Variants in URB1 observed in about 807,000 individuals in gnomAD.
URB1 encodes URB1 ribosome biogenesis factor.
A neutral mutation model predicts 242.3 loss-of-function variants in URB1; 197 were observed. The observed-to-expected ratio is 0.81, with a 90% CI of 0.72 to 0.91. The LOEUF (loss-of-function observed/expected upper bound fraction) is 0.91, where lower values mean the gene tolerates loss of function less well. URB1 is among the 40% of genes least tolerant of loss of function. The pLI is 0.00. For synonymous variants in URB1, 1,153 were observed against 1,201.8 expected, an observed-to-expected ratio of 0.96 and a Z score of 0.84; for missense variants, 2,721 against 2,860.5, an observed-to-expected ratio of 0.95 and a Z score of 1.11.
chr21:32,312,391 C>G lies in URB1; in HGVS notation c.*2527G>C. 1 of 1,070,800 alleles carries G rather than the reference C, an allele frequency of 9.3e-7. No individual in the cohort carries two copies. The highest frequency in any genetic ancestry group is 1.2e-6 in the Non-Finnish European group (1 of 848,524). 66.3% of individuals were successfully genotyped at this position (1,070,800 alleles called of 1,614,324 possible). On this transcript the variant is annotated 3_prime_UTR_variant, in exon 39 of 39. Transcript: ENST00000382751. ...GTCCTTCTGTACCTTTGTTAGGATGCTGGGTAAGTTCCCATCCAAGCTCCA... is the reference window on the plus strand; with the variant it reads ...GTCCTTCTGTACCTTTGTTAGGATGGTGGGTAAGTTCCCATCCAAGCTCCA...
intron 12 of URB1, 33 bp from the exon 13 acceptor site, chr21:32,361,156 G>GAAAAAAGAAAGAAAGAAAGA: frequency 2.6e-6 from 1 of 381,678 alleles, no homozygotes; most frequent in South Asian, 4.5e-5. Context: ...AAGAAAAAGA[G>GAAAAAAGAAAGAAAGAAAGA]AAAAAAGAAA....
chr21:32,389,300 AAAG>A (rs1187929803), intron 1 of URB1, among the ~76,000 whole-genome samples: 1 of 152,204 alleles, frequency 6.6e-6, no homozygotes, highest in Non-Finnish European at 1.5e-5. Context: ...AGATGAAGTC[AAAG>A]AAGCAGGCAG....
chr21:32,353,424 G>A (rs1271076822), intron 18 of URB1, among the ~76,000 whole-genome samples: 2 of 152,150 alleles, frequency 1.3e-5, no homozygotes, highest in Non-Finnish European at 1.5e-5. Context: ...CCAACCAGAA[G>A]AGCCACCTGG....
intron 9 of URB1, among the ~76,000 whole-genome samples, chr21:32,367,458 TA>T (rs1158867527): frequency 6.6e-6 from 1 of 152,150 alleles, no homozygotes; most frequent in Non-Finnish European, 1.5e-5. Context: ...TCAAGCAGAA[TA>T]AAAGCTGGTT....
intron 32 of URB1, among the ~76,000 whole-genome samples, chr21:32,324,135 C>T (rs937343930): frequency 1.3e-5 from 2 of 152,206 alleles, no homozygotes; most frequent in African/African-American, 4.8e-5. Flanking sequence ...GTGATTGGCC[C>T]ACATTTTAAC....
intron 19 of URB1, among the ~76,000 whole-genome samples, chr21:32,351,397 G>A (rs1390621342): frequency 6.6e-6 from 1 of 152,210 alleles, no homozygotes; most frequent in Non-Finnish European, 1.5e-5. Context: ...GAGCCCTTCT[G>A]CCTCAAACTG....
At position 32,320,403 on chromosome 21, in the gene URB1, C is replaced by G. The variant is rs929761096; in HGVS notation, c.5594+128G>C. ...CCAGGCATATGGTAGCATTGGAGGACACTGCATTTCAGAGAGCATGGATTT... is the reference window on the plus strand; with the variant it reads ...CCAGGCATATGGTAGCATTGGAGGAGACTGCATTTCAGAGAGCATGGATTT... On this transcript the variant is annotated intron_variant, in intron 35 of 38. Coordinates refer to ENST00000382751, the MANE Select transcript of URB1 (RefSeq NM_014825.3). 3 of 702,110 alleles carry G rather than the reference C, an allele frequency of 4.3e-6. No homozygotes were observed. The East Asian group carries it at 8.3e-5, about 19-fold the overall frequency. The allele number at this position is 702,110 out of a possible 1,614,324, so 43.5% of individuals were successfully genotyped here. A position where few individuals can be genotyped will look rare whatever the true frequency, so the allele number is the denominator to read the frequency against.
rs2033294913 is a variant in URB1, at chr21:32,362,027, T to C, written c.1510-6A>G. 1 of 1,550,820 alleles carries C rather than the reference T, an allele frequency of 6.4e-7. No homozygotes were observed. The highest frequency in any genetic ancestry group is 8.7e-7 in the Non-Finnish European group (1 of 1,146,696). The stretch of plus-strand genomic sequence containing the variant: ...GTGTTCAGGTCTGGCAAAATCTAAA[T>C]GGGAAAAAGAAGCAGAACATTAGTT... On this transcript the variant is annotated splice_polypyrimidine_tract_variant and splice_region_variant and intron_variant, in intron 11 of 38. Transcript: ENST00000382751.
rs1238417142 is a variant in URB1 at position 32,319,375 on chromosome 21, C to T, written c.5634G>A (p.Leu1878=). Residue 1878 remains leucine (L), a synonymous_variant, in exon 36 of 39, where the codon TTG becomes TTA. Coordinates refer to ENST00000382751, the MANE Select transcript of URB1 (RefSeq NM_014825.3). The part of the protein sequence containing the change: ...ETPLLSNVIS[L]LHTLWVTNLG... ...GGTTGGTCACCCACAGTGTGTGTAGCAAGGAGATCACATTAGACAGCAGCG... is the reference window on the plus strand; with the variant it reads ...GGTTGGTCACCCACAGTGTGTGTAGTAAGGAGATCACATTAGACAGCAGCG... The T allele has an allele frequency of 6.5e-7, 1 of 1,546,104 alleles. No individual in the cohort carries two copies. Among genetic ancestry groups the T allele is most frequent in the African/African-American group, 1.4e-5 (1 of 72,722 alleles).
chr21:32,352,700 T>C lies in URB1; in HGVS notation c.2613+10A>G, dbSNP rs2033171125. On this transcript the variant is annotated intron_variant, in intron 19 of 38. Transcript: ENST00000382751. Reference sequence around the variant, plus strand: ...CAGCAGCAGTGACCACAGCTGTGGCTGCAGCTCACCCAGGCCTCTCGGGCT... The same window carrying C: ...CAGCAGCAGTGACCACAGCTGTGGCCGCAGCTCACCCAGGCCTCTCGGGCT... 6.4e-7 allele frequency: 1 copy of C among 1,550,536 alleles called. No homozygotes were observed. The highest frequency in any genetic ancestry group is 1.4e-5 in the African/African-American group (1 of 73,040).
At chr21:32,364,925 G>A (rs1427109300) in intron 10 of URB1, among the ~76,000 whole-genome samples, 3 of 152,240 alleles carry the variant, frequency 2.0e-5, no homozygotes, top group Non-Finnish European at 2.9e-5. Context: ...GGGCTCAGTG[G>A]CCCTGGCCCT....
At chr21:32,334,118 G>C in intron 29 of URB1, 45 bp downstream of exon 29, 1 of 1,490,654 alleles carries the variant, frequency 6.7e-7, no homozygotes. Flanking sequence ...AGCCCCTGAG[G>C]CTGGGGTGAA....
At chr21:32,379,693 A>G (rs1192890440) in intron 4 of URB1, among the ~76,000 whole-genome samples, 1 of 152,196 alleles carries the variant, frequency 6.6e-6, no homozygotes, top group Non-Finnish European at 1.5e-5. Context: ...GAGAAAACTG[A>G]GGGTTCAAAA....
intron 18 of URB1, among the ~76,000 whole-genome samples, chr21:32,353,616 T>A (rs2033183636): frequency 6.6e-6 from 1 of 152,188 alleles, no homozygotes; most frequent in African/African-American, 2.4e-5. Flanking sequence ...GAAGGATTCA[T>A]CCTCTACATC....
intron 10 of URB1, among the ~76,000 whole-genome samples, chr21:32,365,027 T>A (rs2123603095): frequency 6.6e-6 from 1 of 152,364 alleles, no homozygotes; most frequent in African/African-American, 2.4e-5. Context: ...CAGGAGCTAG[T>A]ACACCCCTCT....
chr21:32,350,532 CTGAGGGACA>C (rs2033145103), intron 20 of URB1, among the ~76,000 whole-genome samples, 163 bp downstream of exon 20: 1 of 152,220 alleles, frequency 6.6e-6, no homozygotes, highest in Non-Finnish European at 1.5e-5. Flanking sequence ...ATGGGCAGGG[CTGAGGGACA>C]TGAAGAGTTT....
intron 1 of URB1, among the ~76,000 whole-genome samples, chr21:32,387,565 TC>T (rs1232214008): frequency 7.0e-6 from 1 of 142,796 alleles, no homozygotes; most frequent in African/African-American, 2.7e-5. Flanking sequence ...ACTGAGGCCT[TC>T]ATCTCTTCTG....
At chr21:32,318,384 A>G (rs1488053588) in intron 36 of URB1, among the ~76,000 whole-genome samples, 2 of 152,198 alleles carry the variant, frequency 1.3e-5, no homozygotes, top group African/African-American at 4.8e-5. Flanking sequence ...AAGACAGTTA[A>G]AGCCTGTAAC....
chr21:32,319,480 C>A, intron 35 of URB1, 66 bp from the exon 36 acceptor site: 1 of 1,401,910 alleles, frequency 7.1e-7, no homozygotes, highest in Non-Finnish European at 9.4e-7. Context: ...CAGACTATCG[C>A]CCTCCATAAT....
Sources: allele counts gnomAD v4.1 joint callset (sites outside exome capture counted in the v4.1 genomes callset), GRCh38; gene constraint gnomAD v4.1.1; transcripts MANE v1.5; gene names NCBI Gene and HGNC (gene_info 2026-07-23, HGNC 2026-07-21).